Variants in ZNF257 observed in about 807,000 individuals in gnomAD.
The protein encoded by ZNF257 is zinc finger protein 257, also known as bone marrow zinc finger 4.
Under a neutral mutation model 11.9 loss-of-function variants are expected in ZNF257, and 12 were observed. That is an observed-to-expected ratio of 1.01 (90% CI 0.65 to 1.63). The LOEUF (loss-of-function observed/expected upper bound fraction) is 1.63. Ranked by LOEUF, ZNF257 falls within the 40% of genes most tolerant of loss-of-function variation. The pLI is 0.00. For missense variants in ZNF257, 580 were observed against 665.5 expected (o/e 0.87, Z 1.41); for synonymous variants, 183 against 222.7 (o/e 0.82, Z 1.59).
chr19:22,089,176 C>G lies in ZNF257; in HGVS notation c.1426C>G (p.Gln476Glu), dbSNP rs370936676. The change falls in exon 4 of 4, where the codon CAA (glutamine) becomes GAA (glutamate). Residue 476 changes from glutamine (Q) to glutamate (E), a missense_variant. Physicochemically the swap from Gln to Glu is conservative, Grantham distance 29. Coordinates refer to ENST00000594947, the MANE Select transcript of ZNF257 (RefSeq NM_033468.4). ...CTTTAACCAGTCTTCACACCTTACT[C>G]AACATAAAATAATTCATACTGGGGA... ...KAFNQSSHLT[Q>E]HKIIHTGEKP... 7.4e-6 allele frequency: 12 copies of G among 1,612,808 alleles called. No homozygotes were observed. The highest frequency in any genetic ancestry group is 1.7e-4 in the Middle Eastern group (1 of 6,050).
intron 1 of ZNF257, among the ~76,000 whole-genome samples, chr19:22,061,485 T>A (rs978126523): frequency 2.3e-4 from 35 of 152,358 alleles, no homozygotes; most frequent in Middle Eastern, 6.8e-3. Context: ...TACATTTATT[T>A]TGTATCCTGA....
At chr19:22,084,270 A>G (rs1348365601) in intron 3 of ZNF257, among the ~76,000 whole-genome samples, 1 of 152,178 alleles carries the variant, frequency 6.6e-6, no homozygotes, top group African/African-American at 2.4e-5. Context: ...TGCTACAATT[A>G]TTATGGGTAT....
Position 22,088,792 on chromosome 19 carries a change from G to T in ZNF257, c.1042G>T (p.Glu348Ter). 1 of 1,611,660 alleles carries T rather than the reference G, an allele frequency of 6.2e-7. No individual in the cohort carries two copies. Among genetic ancestry groups the T allele is most frequent in the South Asian group, 1.1e-5 (1 of 90,980 alleles). Residue 348 changes from glutamate to a stop codon, truncating the protein, a stop_gained, in exon 4 of 4, where the codon GAG (glutamate) becomes TAG (stop). Transcript: ENST00000594947. LOFTEE classifies it low-confidence loss of function (END_TRUNC). ...HTGEKPFQCEECGKAFNRSSH... is the reference protein window; with the variant it reads ...HTGEKPFQCE ...TGGAGAGAAACCCTTCCAATGTGAA[G>T]AGTGTGGCAAAGCTTTTAACCGGTC... is the stretch of plus-strand genomic sequence containing the variant.
chr19:22,078,648 A>G (rs1017097283), intron 3 of ZNF257, among the ~76,000 whole-genome samples: 1 of 152,116 alleles, frequency 6.6e-6, no homozygotes, highest in South Asian at 2.1e-4. Flanking sequence ...TGTTGCTAAG[A>G]CAAGCGTCAT....
chr19:22,069,336 C>T (rs771104820), intron 1 of ZNF257, among the ~76,000 whole-genome samples: 3 of 151,982 alleles, frequency 2.0e-5, no homozygotes, highest in African/African-American at 4.8e-5. Context: ...AATATTAGGC[C>T]GGGCGTGGTG....
intron 1 of ZNF257, among the ~76,000 whole-genome samples, chr19:22,060,804 T>C (rs963688730): frequency 6.6e-6 from 1 of 152,210 alleles, no homozygotes; most frequent in Non-Finnish European, 1.5e-5. Flanking sequence ...TTGATTTTTA[T>C]ATATGGTGTA....
At chr19:22,085,851 T>A (rs2022465911) in intron 3 of ZNF257, among the ~76,000 whole-genome samples, 3 of 152,148 alleles carry the variant, frequency 2.0e-5, no homozygotes, top group South Asian at 2.1e-4. Flanking sequence ...ATAGCTTGCG[T>A]AATACTATTT....
chr19:22,072,674 C>A, intron 1 of ZNF257, 135 bp from the exon 2 acceptor site: 1 of 939,190 alleles, frequency 1.1e-6, no homozygotes, highest in African/African-American at 1.7e-5. Flanking sequence ...AAAATATTTT[C>A]TTGGATAATT....
intron 3 of ZNF257, among the ~76,000 whole-genome samples, chr19:22,078,913 C>T (rs897600262): frequency 2.0e-5 from 3 of 151,840 alleles, no homozygotes; most frequent in Admixed American, 6.6e-5. Flanking sequence ...CTGCCTCAGC[C>T]TCTCTAGTAG....
intron 1 of ZNF257, among the ~76,000 whole-genome samples, chr19:22,068,583 C>T (rs1331078921): frequency 6.6e-6 from 1 of 152,128 alleles, no homozygotes; most frequent in African/African-American, 2.4e-5. Context: ...TAGTGTGGCT[C>T]TTTGAGCTTT....
At chr19:22,060,938 G>A (rs749192108) in intron 1 of ZNF257, among the ~76,000 whole-genome samples, 2 of 152,134 alleles carry the variant, frequency 1.3e-5, no homozygotes, top group African/African-American at 2.4e-5. Context: ...GGTTGTAGGT[G>A]TGCAGAATAA....
At chr19:22,086,543 T>C (rs928571124) in intron 3 of ZNF257, among the ~76,000 whole-genome samples, 2 of 152,250 alleles carry the variant, frequency 1.3e-5, no homozygotes, top group Middle Eastern at 3.4e-3. Flanking sequence ...GTTGATTTCT[T>C]GCATCGTGTT....
chr19:22,090,173 A>G lies in ZNF257; in HGVS notation c.*731A>G, dbSNP rs1414585391. ...ACATATTACACATCAGAGAGTTCAT[A>G]CTTAATAAAAGTATTATAAATACAA... On this transcript the variant is annotated 3_prime_UTR_variant, in exon 4 of 4. Transcript: ENST00000594947. 6.6e-6 allele frequency: 1 copy of G among 152,138 alleles called. No individual in the cohort carries two copies. The highest frequency in any genetic ancestry group is 1.5e-5 in the Non-Finnish European group (1 of 68,012). The allele number at this position is 152,138 out of a possible 1,614,324, so 9.4% of individuals were successfully genotyped here.
chr19:22,072,358 A>G (rs2022122693), intron 1 of ZNF257, among the ~76,000 whole-genome samples: 1 of 152,144 alleles, frequency 6.6e-6, no homozygotes, highest in Non-Finnish European at 1.5e-5. Flanking sequence ...AAAAACTGTC[A>G]TCTTTTTCTT....
chr19:22,065,313 C>A (rs2021914983), intron 1 of ZNF257, among the ~76,000 whole-genome samples: 1 of 151,928 alleles, frequency 6.6e-6, no homozygotes. Context: ...GATTCTCCTG[C>A]CTCAGCCTTT....
chr19:22,088,318 C>A lies in ZNF257; in HGVS notation c.568C>A (p.Arg190=), dbSNP rs370024258. Residue 190 remains arginine, a synonymous_variant, in exon 4 of 4, where the codon CGA becomes AGA. Coordinates refer to ENST00000594947, the MANE Select transcript of ZNF257 (RefSeq NM_033468.4). The part of the protein sequence containing the change: ...KSFCMLSQLT[R]HKRIHIRENS... The stretch of plus-strand genomic sequence containing the variant: ...ATTTTGCATGCTTTCACAACTAACT[C>A]GACATAAGAGAATTCATATTAGAGA... The A allele has an allele frequency of 2.5e-6, 4 of 1,613,424 alleles. No homozygotes were observed. The East Asian group carries it at 8.9e-5, about 36-fold the overall frequency.
intron 1 of ZNF257, among the ~76,000 whole-genome samples, chr19:22,062,716 A>G (rs2021837166): frequency 6.6e-6 from 1 of 152,212 alleles, no homozygotes; most frequent in South Asian, 2.1e-4. Context: ...TCCCGACCTC[A>G]GGTGAGCTGC....
In ZNF257 at chr19:22,090,746, GTAAA is replaced by G. The variant is rs1193396523; in HGVS notation, c.*1308_*1311del. On this transcript the variant is annotated 3_prime_UTR_variant, in exon 4 of 4. Transcript: ENST00000594947. ...GATAAAATTATAAAGCTTTTTAAAA[GTAAA>G]TAATGATGTAAGTCAACTCTCAAAT... 2 of 152,058 alleles carry G rather than the reference GTAAA, an allele frequency of 1.3e-5. No individual in the cohort carries two copies. Among genetic ancestry groups the G allele is most frequent in the Admixed American group, 1.3e-4 (2 of 15,270 alleles). 9.4% of individuals were successfully genotyped at this position (152,058 alleles called of 1,614,324 possible). A position where few individuals can be genotyped will look rare whatever the true frequency, so the allele number is the denominator to read the frequency against.
chr19:22,081,776 C>CACCTT (rs2022365487), intron 3 of ZNF257, among the ~76,000 whole-genome samples: 1 of 151,938 alleles, frequency 6.6e-6, no homozygotes, highest in Non-Finnish European at 1.5e-5. Flanking sequence ...GTGATCAGCC[C>CACCTT]ACCTTGGCCT....
Sources: gnomAD v4.1 joint callset for allele counts (sites outside exome capture counted in the v4.1 genomes callset) on GRCh38, gnomAD v4.1.1 for gene constraint, MANE v1.5 for transcripts, NCBI Gene and HGNC (gene_info 2026-07-23, HGNC 2026-07-21) for gene names.